Variants in TICRR observed in about 807,000 individuals in gnomAD.
TICRR encodes the protein treslin.
Under a neutral mutation model 178.1 loss-of-function variants are expected in TICRR, and 132 were observed. That is an observed-to-expected ratio of 0.74 (90% confidence interval 0.64 to 0.86). TICRR has a LOEUF of 0.86. Among genes scored for constraint, TICRR ranks in the 40% least tolerant of loss-of-function variants. TICRR has a pLI of 0.00. For synonymous variants in TICRR, 991 were observed against 900.7 expected (o/e 1.10, Z -1.79); for missense variants, 2,587 against 2,334.3 (o/e 1.11, Z -2.23).
chr15:89,586,672 G>T (rs572785274), intron 4 of TICRR, among the ~76,000 whole-genome samples: 4 of 152,200 alleles, frequency 2.6e-5, no homozygotes, highest in Non-Finnish European at 5.9e-5. Context: ...CTGAAAAAAT[G>T]ATATTTGAGC....
intron 16 of TICRR, chr15:89,617,932 T>C: frequency 1.9e-6 from 1 of 539,698 alleles, no homozygotes; most frequent in Non-Finnish European, 3.3e-6. Context: ...CCTCAAGTGA[T>C]CCGCCCGCCT....
In TICRR at chr15:89,601,372, T is replaced by C. The variant is rs747362244; in HGVS notation, c.2228T>C (p.Met743Thr). 1.2e-6 allele frequency: 2 copies of C among 1,614,176 alleles called. No homozygotes were observed. Among genetic ancestry groups the C allele is most frequent in the South Asian group, 1.1e-5 (1 of 91,082 alleles). ...TCAATAAATGAAAGTACAGATGATA[T>C]GGAACAAGTAGTGGAGGAGGCAAGT... ...CPSINESTDD[M>T]EQVVEEVTDL... Residue 743 changes from methionine (M) to threonine (T), a missense_variant, in exon 10 of 22, where the codon ATG becomes ACG. By Grantham distance (81) the Met-to-Thr change is moderately conservative. Coordinates refer to ENST00000268138, the MANE Select transcript of TICRR (RefSeq NM_152259.4).
Position 89,600,584 on chromosome 15 carries a change from G to A in TICRR, c.2053-1G>A. On this transcript the variant is annotated splice_acceptor_variant, in intron 8 of 21. Coordinates refer to ENST00000268138, the MANE Select transcript of TICRR (RefSeq NM_152259.4). LOFTEE classifies it high-confidence loss of function. ...CCTATGTAATAATTTTGTATTTTTA[G>A]GTGAACTGCCTGAATCAAGTAAAAA... The A allele has an allele frequency of 6.7e-7, 1 of 1,498,870 alleles. No homozygotes were observed. The highest frequency in any genetic ancestry group is 1.8e-4 in the Middle Eastern group (1 of 5,420). The allele number at this position is 1,498,870 out of a possible 1,614,324, so 92.8% of individuals were successfully genotyped here.
rs574628083 is a variant in TICRR, at chr15:89,614,592, A to T, written c.2870-1813A>T. Among the ~76,000 whole-genome samples the T allele has an allele frequency of 3.3e-5, 5 of 152,254 alleles. No individual in the cohort carries two copies. The South Asian group carries it at 1.0e-3, about 32-fold the overall frequency. ...GCAGTCCGCCTGCCTCAGCCTCCCAAAGTGCTGGGATTACAAGCATGAGCC... is the reference window on the plus strand; with the variant it reads ...GCAGTCCGCCTGCCTCAGCCTCCCATAGTGCTGGGATTACAAGCATGAGCC... On this transcript the variant is annotated intron_variant, in intron 15 of 21. Transcript: ENST00000268138.
At chr15:89,588,339 C>A (rs1165231923) in intron 4 of TICRR, among the ~76,000 whole-genome samples, 2 of 152,140 alleles carry the variant, frequency 1.3e-5, no homozygotes, top group East Asian at 3.8e-4. Context: ...CATTCACCAG[C>A]TGGCACAGCT....
intron 15 of TICRR, among the ~76,000 whole-genome samples, chr15:89,610,993 G>A (rs961027972): frequency 1.3e-5 from 2 of 149,620 alleles, no homozygotes; most frequent in African/African-American, 4.9e-5. Context: ...TTATATTGTT[G>A]TAGACTGCAT....
rs1567037621 is a variant in TICRR, at chr15:89,576,087, G to C, written c.501G>C (p.Leu167=). The part of the protein sequence containing the change: ...LAPCPHSQRE[L]LQFVSGCEAQ... ...CCTGTCCGCACTCGCAGAGGGAGCT[G>C]CTGCAGTTCGTGTCTGGGTGCGAGG... The change falls in exon 1 of 22, where the codon CTG becomes CTC. Residue 167 remains leucine, a synonymous_variant. Coordinates refer to ENST00000268138, the MANE Select transcript of TICRR (RefSeq NM_152259.4). The C allele has an allele frequency of 6.2e-7, 1 of 1,612,082 alleles. No individual in the cohort carries two copies. The highest frequency in any genetic ancestry group is 8.5e-7 in the Non-Finnish European group (1 of 1,179,964).
At chr15:89,594,348 G>C in intron 5 of TICRR, 67 bp from the exon 6 acceptor site, 1 of 1,392,950 alleles carries the variant, frequency 7.2e-7, no homozygotes, top group East Asian at 2.4e-5. Flanking sequence ...GGGTATTTTG[G>C]TGTTATTTCT....
At chr15:89,584,213 C>T in intron 2 of TICRR, 73 bp from the exon 3 acceptor site, 1 of 1,386,070 alleles carries the variant, frequency 7.2e-7, no homozygotes, top group African/African-American at 1.5e-5. Flanking sequence ...AGTATCTATT[C>T]CTTATATTGG....
At chr15:89,594,719 A>T (rs72750738) in intron 6 of TICRR, among the ~76,000 whole-genome samples, 165 bp downstream of exon 6, 40,165 of 152,144 alleles carry the variant, frequency 0.26, 6,023 homozygotes, top group South Asian at 0.38. Flanking sequence ...AGTGATTTTT[A>T]AAAAATCAAC....
At position 89,624,103 on chromosome 15, in the gene TICRR, A is replaced by C. The variant is rs773552828; in HGVS notation, c.3793A>C (p.Thr1265Pro). 4.8e-5 allele frequency: 78 copies of C among 1,613,758 alleles called. No homozygotes were observed. The South Asian group carries it at 6.8e-4, about 14-fold the overall frequency. The change falls in exon 20 of 22, where the codon ACA becomes CCA. Residue 1265 changes from threonine (T) to proline (P), a missense_variant. Transcript: ENST00000268138. ...CTTCATGGGCACGCCTCAGAATCAAACACACCAACAGCCCCATGTCCTCAG... is the reference window on the plus strand; with the variant it reads ...CTTCATGGGCACGCCTCAGAATCAACCACACCAACAGCCCCATGTCCTCAG... The part of the protein sequence containing the change: ...AAFMGTPQNQ[T>P]HQQPHVLRAA...
chr15:89,609,042 G>T, intron 15 of TICRR, 93 bp downstream of exon 15: 1 of 1,095,176 alleles, frequency 9.1e-7, no homozygotes, highest in Non-Finnish European at 1.2e-6. Flanking sequence ...TTAGTAATTT[G>T]AGTCTTCTTC....
In TICRR at chr15:89,584,545, G is replaced by A. The variant is rs551623800; in HGVS notation, c.1176+18G>A. 1.4e-5 allele frequency: 21 copies of A among 1,520,984 alleles called. No homozygotes were observed. Among genetic ancestry groups the A allele is most frequent in the South Asian group, 1.2e-4 (9 of 76,104 alleles). 94.2% of individuals were successfully genotyped at this position (1,520,984 alleles called of 1,614,324 possible). A position where few individuals can be genotyped will look rare whatever the true frequency, so the allele number is the denominator to read the frequency against. On this transcript the variant is annotated intron_variant, in intron 3 of 21. Coordinates refer to ENST00000268138, the MANE Select transcript of TICRR (RefSeq NM_152259.4). ...TACACCTGGTAGGTATCCTCCACAC[G>A]GGAAGTTATTCTTGTCTAACAACAC...
intron 8 of TICRR, 70 bp downstream of exon 8, chr15:89,599,545 G>A (rs934409584): frequency 7.0e-5 from 105 of 1,503,742 alleles, no homozygotes; most frequent in Non-Finnish European, 8.8e-5. Context: ...GGTGGATTTG[G>A]TTAGTGTCTT....
intron 13 of TICRR, among the ~76,000 whole-genome samples, chr15:89,604,342 A>C (rs772747189): frequency 3.1e-4 from 47 of 152,254 alleles, no homozygotes; most frequent in Admixed American, 1.3e-4. Context: ...TCCTGATTGA[A>C]GATTGGAAAA....
Position 89,589,250 on chromosome 15 carries a change from G to A in TICRR, c.1412-2797G>A, listed in dbSNP as rs143527905. On this transcript the variant is annotated intron_variant, in intron 4 of 21. Transcript: ENST00000268138. ...CCTGACGGGAAAAAGCAGCTATGAA[G>A]GGGAGCATGAGATTGATTCCTGATG... Among the ~76,000 whole-genome samples, 716 of 152,298 alleles carry A rather than the reference G, an allele frequency of 4.7e-3. 11 individuals carry two copies. Among genetic ancestry groups the A allele is most frequent in the African/African-American group, 0.016 (685 of 41,554 alleles).
intron 1 of TICRR, among the ~76,000 whole-genome samples, chr15:89,577,743 G>A (rs1255984235): frequency 6.6e-6 from 1 of 151,066 alleles, no homozygotes. Context: ...CAAGTAGCTG[G>A]GATTATAAGC....
chr15:89,581,658 G>C (rs1025050273), intron 1 of TICRR, among the ~76,000 whole-genome samples: 6 of 152,180 alleles, frequency 3.9e-5, no homozygotes, highest in Non-Finnish European at 7.4e-5. Flanking sequence ...GTGGATGAGG[G>C]GTAGAAGATA....
intron 5 of TICRR, 118 bp from the exon 6 acceptor site, chr15:89,594,297 C>G: frequency 3.6e-6 from 3 of 835,726 alleles, no homozygotes; most frequent in Admixed American, 3.0e-5. Context: ...TTGAAGGCAT[C>G]TTGTGGGGAC....
Sources: gnomAD v4.1 joint callset for allele counts (sites outside exome capture counted in the v4.1 genomes callset) on GRCh38, gnomAD v4.1.1 for gene constraint, MANE v1.5 for transcripts, NCBI Gene and HGNC (gene_info 2026-07-23, HGNC 2026-07-21) for gene names.